PSD3: variants seen among roughly 807,000 people sequenced by gnomAD.
PSD3 encodes pleckstrin and Sec7 domain containing 3.
PSD3 carries 49 observed loss-of-function variants against 105.5 expected under a neutral mutation model. The observed-to-expected ratio is 0.46, with a 90% confidence interval of 0.37 to 0.59. The LOEUF (loss-of-function observed/expected upper bound fraction) is 0.59. Ranked by LOEUF, PSD3 falls within the 20% of genes least tolerant of loss-of-function variation. The pLI is 0.00. For missense variants in PSD3, 1,561 were observed against 1,263.8 expected, an observed-to-expected ratio of 1.24 and a Z score of -3.57; for synonymous variants, 557 against 457.8, an observed-to-expected ratio of 1.22 and a Z score of -2.77.
chr8:19,008,903 A>T (rs1459930481), intron 1 of PSD3, among the ~76,000 whole-genome samples: 1 of 152,224 alleles, frequency 6.6e-6, no homozygotes, highest in Non-Finnish European at 1.5e-5. Flanking sequence ...GCCCCAGCTC[A>T]TGGGAAGAAA....
intron 9 of PSD3, among the ~76,000 whole-genome samples, chr8:18,674,326 T>A (rs1212778304): frequency 6.6e-6 from 1 of 152,186 alleles, no homozygotes; most frequent in Non-Finnish European, 1.5e-5. Flanking sequence ...TGGGGACAGA[T>A]TGATCTATTT....
intron 2 of PSD3, among the ~76,000 whole-genome samples, chr8:18,881,981 G>A (rs1375262172): frequency 6.6e-6 from 1 of 152,128 alleles, no homozygotes; most frequent in Non-Finnish European, 1.5e-5. Flanking sequence ...CTTGAGGCAG[G>A]AGGTTCACTT....
intron 9 of PSD3, among the ~76,000 whole-genome samples, chr8:18,661,655 T>C (rs1412856514): frequency 6.6e-6 from 1 of 152,156 alleles, no homozygotes; most frequent in African/African-American, 2.4e-5. Flanking sequence ...TCCTTACACC[T>C]TGCGATGTAC....
At chr8:18,699,167 G>A (rs1254232940) in intron 9 of PSD3, among the ~76,000 whole-genome samples, 1 of 152,112 alleles carries the variant, frequency 6.6e-6, no homozygotes, top group Admixed American at 6.5e-5. Context: ...GTGAGTGAAA[G>A]CTATGTGTGC....
At chr8:18,565,511 A>C (rs989100120) in intron 14 of PSD3, among the ~76,000 whole-genome samples, 1 of 152,230 alleles carries the variant, frequency 6.6e-6, no homozygotes, top group African/African-American at 2.4e-5. Flanking sequence ...AAAAGACAAG[A>C]ATAAATTAAA....
At position 18,530,776 on chromosome 8, in the gene PSD3, C is replaced by T. The variant is rs1015651198; in HGVS notation, c.*4967G>A. 3 of 151,318 alleles carry T rather than the reference C, an allele frequency of 2.0e-5. No individual in the cohort carries two copies. Among genetic ancestry groups the T allele is most frequent in the Admixed American group, 6.6e-5 (1 of 15,176 alleles). 9.4% of individuals were successfully genotyped at this position (151,318 alleles called of 1,614,324 possible). A position where few individuals can be genotyped will look rare whatever the true frequency, so the allele number is the denominator to read the frequency against. Reference sequence around the variant, plus strand: ...CACACAGTACACTGCAAAAGATTCACAAGGTTAGTTGAAAGTCATTTTTGC... The same window carrying T: ...CACACAGTACACTGCAAAAGATTCATAAGGTTAGTTGAAAGTCATTTTTGC... On this transcript the variant is annotated 3_prime_UTR_variant, in exon 16 of 16. Transcript: ENST00000327040.
intron 12 of PSD3, among the ~76,000 whole-genome samples, chr8:18,593,478 G>C (rs1803765554): frequency 6.6e-6 from 1 of 152,070 alleles, no homozygotes; most frequent in Non-Finnish European, 1.5e-5. Flanking sequence ...GAAACAACAG[G>C]TGCTGGAGAG....
intron 4 of PSD3, among the ~76,000 whole-genome samples, chr8:18,831,920 T>C (rs1813712256): frequency 6.6e-6 from 1 of 151,778 alleles, no homozygotes; most frequent in Non-Finnish European, 1.5e-5. Flanking sequence ...AGAAAAAGTA[T>C]GGGAAGAAAG....
intron 2 of PSD3, among the ~76,000 whole-genome samples, chr8:18,875,188 C>G (rs1381960760): frequency 1.3e-5 from 2 of 152,158 alleles, no homozygotes; most frequent in East Asian, 3.8e-4. Context: ...GGATTACACA[C>G]ATGAGCCACC....
At chr8:18,712,757 G>A (rs948398823) in intron 9 of PSD3, among the ~76,000 whole-genome samples, 11 of 152,104 alleles carry the variant, frequency 7.2e-5, no homozygotes, top group Non-Finnish European at 2.9e-5. Context: ...AAATTGAAAA[G>A]GAAGAACTCC....
intron 4 of PSD3, among the ~76,000 whole-genome samples, chr8:18,852,275 C>A (rs1354859303): frequency 6.6e-6 from 1 of 152,078 alleles, no homozygotes; most frequent in African/African-American, 2.4e-5. Context: ...GAAACTCAGA[C>A]CAGGCACTCA....
At chr8:18,563,906 C>T (rs146642948) in intron 14 of PSD3, among the ~76,000 whole-genome samples, 199 of 152,238 alleles carry the variant, frequency 1.3e-3, no homozygotes, top group African/African-American at 4.6e-3. Context: ...TTACAGAAAT[C>T]ATCTGGGTCA....
chr8:18,718,949 T>C lies in PSD3; in HGVS notation c.2172+46500A>G, dbSNP rs573606243. On this transcript the variant is annotated intron_variant, in intron 9 of 15. Transcript: ENST00000327040. The stretch of plus-strand genomic sequence containing the variant: ...ACATCACAGACCTTCAGTCTCCACT[T>C]GACTGCTACAATTATCTGTGGAGCT... Among the ~76,000 whole-genome samples, 12 of 152,298 alleles carry C rather than the reference T, an allele frequency of 7.9e-5. 1 individual carries two copies. The South Asian group carries it at 2.5e-3, about 32-fold the overall frequency.
intron 4 of PSD3, among the ~76,000 whole-genome samples, chr8:18,814,917 C>T (rs1396979429): frequency 5.3e-5 from 8 of 152,200 alleles, no homozygotes; most frequent in Non-Finnish European, 1.5e-5. Context: ...CGGCACAAAG[C>T]ACAAAGTAGA....
chr8:19,017,442 A>G (rs554863280), upstream of PSD3, among the ~76,000 whole-genome samples: 7 of 152,326 alleles, frequency 4.6e-5, no homozygotes, highest in African/African-American at 1.7e-4. Flanking sequence ...ACCCATTTAA[A>G]GAGTACAAAT....
chr8:18,610,576 C>T (rs1224021081), intron 11 of PSD3, among the ~76,000 whole-genome samples: 2 of 152,188 alleles, frequency 1.3e-5, no homozygotes, highest in Non-Finnish European at 2.9e-5. Context: ...CAATTAAACT[C>T]CTTTAAATTT....
intron 1 of PSD3, among the ~76,000 whole-genome samples, chr8:19,005,556 C>T (rs1485021446): frequency 6.6e-6 from 1 of 152,002 alleles, no homozygotes; most frequent in African/African-American, 2.4e-5. Flanking sequence ...TCACGACACA[C>T]TGCATGCAGC....
At chr8:19,023,769 T>G (rs1213117921) in intron 1 of PSD3, among the ~76,000 whole-genome samples, 1 of 152,128 alleles carries the variant, frequency 6.6e-6, no homozygotes, top group Admixed American at 6.6e-5. Flanking sequence ...CTAGAACGTT[T>G]CCATGAATAC....
At chr8:18,998,712 G>C (rs925646443) in intron 1 of PSD3, among the ~76,000 whole-genome samples, 3 of 151,634 alleles carry the variant, frequency 2.0e-5, no homozygotes, top group Non-Finnish European at 4.4e-5. Flanking sequence ...CAAAAAAATG[G>C]GTCCCAAAAG....
Sources: gnomAD v4.1 joint callset for allele counts (sites outside exome capture counted in the v4.1 genomes callset) on GRCh38, gnomAD v4.1.1 for gene constraint, MANE v1.5 for transcripts, NCBI Gene and HGNC (gene_info 2026-07-23, HGNC 2026-07-21) for gene names.